Variants in RBFOX1 observed in about 807,000 individuals in gnomAD.
RBFOX1 encodes the protein RNA binding protein fox-1 homolog 1.
RBFOX1 carries 8 observed loss-of-function variants against 57.7 expected under a neutral mutation model. The observed-to-expected ratio is 0.14, with a 90% CI of 0.08 to 0.25. The LOEUF is 0.25. Ranked by LOEUF, RBFOX1 falls within the 10% of genes least tolerant of loss-of-function variation. RBFOX1 has a pLI of 1.00. For synonymous variants in RBFOX1, 326 were observed against 222.4 expected (o/e 1.47, Z -4.15); for missense variants, 611 against 548.5 (o/e 1.11, Z -1.14).
intron 2 of RBFOX1, among the ~76,000 whole-genome samples, chr16:6,520,602 T>G (rs145807190): frequency 1.1e-3 from 162 of 152,296 alleles, no homozygotes; most frequent in African/African-American, 3.8e-3. Flanking sequence ...TAGAAAGATA[T>G]GTGGGCACCT....
intron 4 of RBFOX1, among the ~76,000 whole-genome samples, chr16:5,881,736 C>G (rs763676166): frequency 2.6e-4 from 40 of 152,156 alleles, no homozygotes; most frequent in Admixed American, 1.2e-3. Context: ...AAATTTTCCC[C>G]CCAATGCTAG....
chr16:6,663,229 A>T (rs1270270534), intron 3 of RBFOX1, among the ~76,000 whole-genome samples: 3 of 152,132 alleles, frequency 2.0e-5, no homozygotes, highest in Non-Finnish European at 4.4e-5. Context: ...CTGACAATGG[A>T]TGGGTGTCAT....
intron 3 of RBFOX1, among the ~76,000 whole-genome samples, chr16:5,813,802 C>G (rs1450873394): frequency 6.6e-6 from 1 of 152,184 alleles, no homozygotes; most frequent in Admixed American, 6.5e-5. Flanking sequence ...GATCCAGTCT[C>G]ACTGGGAATT....
chr16:7,213,879 G>C (rs2091582923), intron 4 of RBFOX1, among the ~76,000 whole-genome samples: 3 of 152,168 alleles, frequency 2.0e-5, no homozygotes. Flanking sequence ...ACGACTCAAA[G>C]ACAGCTAGAG....
intron 4 of RBFOX1, among the ~76,000 whole-genome samples, chr16:7,058,607 C>T (rs11649347): frequency 0.71 from 108,271 of 152,038 alleles, 39,212 homozygotes; most frequent in East Asian, 0.91. Context: ...CATGTGTCTT[C>T]GTGTTTGTAT....
At position 5,776,726 on chromosome 16, in the gene RBFOX1, C is replaced by A. The variant is rs80110229; in HGVS notation, c.319-90577C>A. 2.5e-4 allele frequency among the ~76,000 whole-genome samples: 38 copies of A among 152,280 alleles called. No individual in the cohort carries two copies. In the East Asian group the frequency reaches 7.0e-3, roughly 28 times the overall value. On this transcript the variant is annotated intron_variant, in intron 3 of 19. Transcript: ENST00000641259. The stretch of plus-strand genomic sequence containing the variant: ...GGATTTCAACCCAGACAGTCTGCCT[C>A]CAACACCCACAGTGATGAACACCTT...
chr16:6,539,870 GCTGT>G (rs1286761707), intron 2 of RBFOX1, among the ~76,000 whole-genome samples: 2 of 129,690 alleles, frequency 1.5e-5, no homozygotes, highest in Non-Finnish European at 3.5e-5. Context: ...CTTCCTACAA[GCTGT>G]CTTTTTGCTT....
intron 1 of RBFOX1, among the ~76,000 whole-genome samples, chr16:5,461,904 G>A (rs2068799260): frequency 6.6e-6 from 1 of 152,174 alleles, no homozygotes; most frequent in South Asian, 2.1e-4. Context: ...GAAGGGACAA[G>A]GGGTAGCTAT....
intron 3 of RBFOX1, among the ~76,000 whole-genome samples, chr16:7,000,309 A>G (rs1047962122): frequency 2.0e-5 from 3 of 152,054 alleles, no homozygotes; most frequent in African/African-American, 7.2e-5. Context: ...AAATTTAAAC[A>G]TGATCGATAT....
chr16:5,546,976 A>T (rs771497130), intron 2 of RBFOX1, among the ~76,000 whole-genome samples: 1 of 152,206 alleles, frequency 6.6e-6, no homozygotes, highest in Non-Finnish European at 1.5e-5. Context: ...TTAGATATAC[A>T]TGGCAAATAA....
At chr16:7,664,638 A>C (rs1377839561) in intron 12 of RBFOX1, 2 of 449,328 alleles carry the variant, frequency 4.5e-6, no homozygotes, top group Non-Finnish European at 8.0e-6. Flanking sequence ...TCCTCTTTGC[A>C]TTTCAAAGTC....
At chr16:7,006,513 G>C (rs911064560) in intron 3 of RBFOX1, among the ~76,000 whole-genome samples, 2 of 152,028 alleles carry the variant, frequency 1.3e-5, no homozygotes, top group Non-Finnish European at 2.9e-5. Flanking sequence ...GGAGTGATAT[G>C]ATCACAGCTC....
At chr16:6,004,900 C>T (rs1300510317) in intron 4 of RBFOX1, among the ~76,000 whole-genome samples, 2 of 152,116 alleles carry the variant, frequency 1.3e-5, no homozygotes, top group Admixed American at 1.3e-4. Context: ...CTTAGTCAAG[C>T]GTGCAGTGTG....
chr16:6,003,056 G>C (rs147673143), intron 4 of RBFOX1, among the ~76,000 whole-genome samples: 59 of 152,146 alleles, frequency 3.9e-4, no homozygotes, highest in African/African-American at 1.3e-3. Flanking sequence ...GAGGCGGGTG[G>C]ATCACGAGGT....
chr16:6,345,386 G>C (rs776463947), intron 2 of RBFOX1, among the ~76,000 whole-genome samples: 1 of 152,240 alleles, frequency 6.6e-6, no homozygotes, highest in Non-Finnish European at 1.5e-5. Context: ...TTAAGGGGCA[G>C]ATGATACAGA....
intron 2 of RBFOX1, among the ~76,000 whole-genome samples, chr16:6,507,824 G>A (rs146293371): frequency 0.01 from 1,579 of 151,948 alleles, 20 homozygotes; most frequent in African/African-American, 0.027. Context: ...AGAAGGAGGG[G>A]GGAATGGGGA....
At chr16:6,335,637 G>A (rs1226926778) in intron 2 of RBFOX1, among the ~76,000 whole-genome samples, 2 of 151,720 alleles carry the variant, frequency 1.3e-5, no homozygotes, top group East Asian at 1.9e-4. Context: ...AATTAGCTGG[G>A]TGTGTTGACG....
intron 2 of RBFOX1, among the ~76,000 whole-genome samples, chr16:5,474,654 CAAA>C (rs527739074): frequency 7.8e-6 from 1 of 127,432 alleles, no homozygotes; most frequent in Non-Finnish European, 1.7e-5. Flanking sequence ...GACTTCGTCT[CAAA>C]AAAAAAAAAA....
chr16:5,894,746 G>T (rs1034523280), intron 4 of RBFOX1, among the ~76,000 whole-genome samples: 1 of 152,178 alleles, frequency 6.6e-6, no homozygotes, highest in African/African-American at 2.4e-5. Context: ...ACAGGGCCAG[G>T]CGTGGTGGCT....
Sources: allele counts gnomAD v4.1 joint callset (sites outside exome capture counted in the v4.1 genomes callset), GRCh38; gene constraint gnomAD v4.1.1; transcripts MANE v1.5; gene names NCBI Gene and HGNC (gene_info 2026-07-23, HGNC 2026-07-21).